Variants in RPH3A observed in about 807,000 individuals in gnomAD.
RPH3A encodes the protein rabphilin-3A.
In RPH3A, 48 loss-of-function variants were observed where a neutral mutation model predicts 102.2. The ratio of observed to expected loss-of-function variants is 0.47; its 90% CI spans 0.37 to 0.60. The LOEUF is 0.60. Ranked by LOEUF, RPH3A falls within the 20% of genes least tolerant of loss-of-function variation. RPH3A has a pLI of 0.00. For synonymous variants in RPH3A, 310 were observed against 324.3 expected (o/e 0.96, Z 0.47); for missense variants, 781 against 910.1 (o/e 0.86, Z 1.83).
At chr12:112,757,036 A>G (rs906225486) in intron 1 of RPH3A, among the ~76,000 whole-genome samples, 3 of 152,196 alleles carry the variant, frequency 2.0e-5, no homozygotes, top group Admixed American at 1.3e-4. Flanking sequence ...TTTCTTTTCT[A>G]TGAACTCTCT....
chr12:112,727,497 C>CA (rs1354424141), intron 1 of RPH3A, among the ~76,000 whole-genome samples: 3 of 88,594 alleles, frequency 3.4e-5, no homozygotes, highest in Admixed American at 2.4e-4. Flanking sequence ...ACACAGACCC[C>CA]CCCCCCCCAC....
At chr12:112,801,690 A>G (rs1565888752) in intron 2 of RPH3A, among the ~76,000 whole-genome samples, 1 of 152,118 alleles carries the variant, frequency 6.6e-6, no homozygotes, top group African/African-American at 2.4e-5. Context: ...GTGCGAGATG[A>G]TGAGAGTTGA....
At chr12:112,796,358 T>G (rs767814122) in intron 2 of RPH3A, among the ~76,000 whole-genome samples, 5 of 152,198 alleles carry the variant, frequency 3.3e-5, no homozygotes, top group Non-Finnish European at 7.4e-5. Context: ...CACTTCTTTG[T>G]AGGAGTCCTC....
intron 1 of RPH3A, among the ~76,000 whole-genome samples, chr12:112,663,834 C>A (rs535234887): frequency 6.6e-6 from 1 of 152,322 alleles, no homozygotes; most frequent in South Asian, 2.1e-4. Flanking sequence ...AGAATCACAT[C>A]TTTCCAGCAT....
intron 1 of RPH3A, among the ~76,000 whole-genome samples, chr12:112,752,717 A>G (rs917218087): frequency 6.6e-6 from 1 of 152,030 alleles, no homozygotes; most frequent in Admixed American, 6.6e-5. Flanking sequence ...TAATTCATAT[A>G]AGTAAAAAAT....
intron 1 of RPH3A, among the ~76,000 whole-genome samples, chr12:112,634,648 A>G (rs1307229426): frequency 6.6e-6 from 1 of 152,128 alleles, no homozygotes; most frequent in African/African-American, 2.4e-5. Flanking sequence ...CCTTAAATGC[A>G]GGATGTTGTC....
At chr12:112,593,230 CA>C (rs1399188456) in intron 1 of RPH3A, among the ~76,000 whole-genome samples, 2 of 152,178 alleles carry the variant, frequency 1.3e-5, no homozygotes, top group Non-Finnish European at 2.9e-5. Flanking sequence ...CACCGGAACC[CA>C]ATCTGCTGGT....
chr12:112,760,895 C>A (rs921950179), intron 1 of RPH3A, among the ~76,000 whole-genome samples: 4 of 152,194 alleles, frequency 2.6e-5, no homozygotes, highest in Non-Finnish European at 5.9e-5. Flanking sequence ...CCGCCCCCAA[C>A]CCACTGCATT....
At chr12:112,797,347 G>C (rs1238439880) in intron 2 of RPH3A, among the ~76,000 whole-genome samples, 1 of 152,196 alleles carries the variant, frequency 6.6e-6, no homozygotes, top group African/African-American at 2.4e-5. Flanking sequence ...CTTGGAGCAG[G>C]GGGAGGGGGC....
rs1424430065 is a variant in RPH3A, at chr12:112,602,430, TC to T, written c.-140+27114del. Among the ~76,000 whole-genome samples the T allele has an allele frequency of 2.0e-5, 3 of 152,098 alleles. No individual in the cohort carries two copies. In the East Asian group the frequency reaches 5.8e-4, roughly 29 times the overall value. ...ATCTGCGTTTTAATTACAGTTCACCTCCCTGGCTTACCATCCAAACATTCCC... is the reference window on the plus strand; with the variant it reads ...ATCTGCGTTTTAATTACAGTTCACCTCCTGGCTTACCATCCAAACATTCCC... On this transcript the variant is annotated intron_variant, in intron 1 of 21. Transcript: ENST00000543106.
rs138806332 is a variant in RPH3A at position 112,664,392 on chromosome 12, G to A, written c.-140+89073G>A. Among the ~76,000 whole-genome samples, 372 of 152,286 alleles carry A rather than the reference G, an allele frequency of 2.4e-3. 3 individuals carry two copies. The highest frequency in any genetic ancestry group is 8.2e-3 in the African/African-American group (340 of 41,568). On this transcript the variant is annotated intron_variant, in intron 1 of 21. Transcript: ENST00000543106. ...TCCAGAAAGTAGTTTTTGGTCGAAG[G>A]TTGGAGAATGGGCAGAACTGGATGG...
intron 1 of RPH3A, among the ~76,000 whole-genome samples, chr12:112,770,951 T>C (rs2040923462): frequency 2.0e-5 from 3 of 152,242 alleles, no homozygotes; most frequent in South Asian, 4.1e-4. Flanking sequence ...TAAAATTGTG[T>C]TTCTCCTTGT....
At chr12:112,690,406 A>G (rs147667894) in intron 1 of RPH3A, among the ~76,000 whole-genome samples, 2 of 152,192 alleles carry the variant, frequency 1.3e-5, no homozygotes, top group African/African-American at 4.8e-5. Context: ...AGAAAGTGCC[A>G]TGCTACAGTT....
intron 2 of RPH3A, among the ~76,000 whole-genome samples, chr12:112,827,868 G>C (rs1327425350): frequency 6.7e-6 from 1 of 149,620 alleles, no homozygotes; most frequent in East Asian, 2.0e-4. Flanking sequence ...TGCACGTTCT[G>C]CATATGTATC....
chr12:112,731,582 A>G (rs1202186763), intron 1 of RPH3A, among the ~76,000 whole-genome samples: 1 of 152,170 alleles, frequency 6.6e-6, no homozygotes, highest in Non-Finnish European at 1.5e-5. Context: ...CCTTTATTCC[A>G]ATCTGCTCTG....
chr12:112,877,588 T>A (rs761268270), intron 13 of RPH3A, among the ~76,000 whole-genome samples: 1 of 151,692 alleles, frequency 6.6e-6, no homozygotes, highest in Non-Finnish European at 1.5e-5. Flanking sequence ...TTGTTTCTGA[T>A]CAAGTTGGAA....
At chr12:112,744,085 T>C (rs1267761656) in intron 1 of RPH3A, among the ~76,000 whole-genome samples, 1 of 152,160 alleles carries the variant, frequency 6.6e-6, no homozygotes, top group East Asian at 1.9e-4. Context: ...TCTTTCTTTC[T>C]TTTTTTCCAA....
intron 15 of RPH3A, among the ~76,000 whole-genome samples, chr12:112,882,338 G>A (rs1363353071): frequency 6.6e-6 from 1 of 152,012 alleles, no homozygotes. Context: ...GCTTTACTCT[G>A]GGGTTAATTC....
In RPH3A at chr12:112,713,007, C is replaced by T. The variant is rs1341518092; in HGVS notation, c.-139-79136C>T. Among the ~76,000 whole-genome samples, 153 of 72,924 alleles carry T rather than the reference C, an allele frequency of 2.1e-3. 10 individuals are homozygous for T. The highest frequency in any genetic ancestry group is 6.7e-3 in the South Asian group (10 of 1,500). The allele number at this position is 72,924 out of a possible 152,430, so 47.8% of individuals were successfully genotyped here. A position where few individuals can be genotyped will look rare whatever the true frequency, so the allele number is the denominator to read the frequency against. Reference sequence around the variant, plus strand: ...TCGTCGTCTTTGTCTTCCTCTTCCTCTTCCTCTTCCTCTTCCTCTTCTTCT... The same window carrying T: ...TCGTCGTCTTTGTCTTCCTCTTCCTTTTCCTCTTCCTCTTCCTCTTCTTCT... On this transcript the variant is annotated intron_variant, in intron 1 of 21. Coordinates refer to the RPH3A transcript ENST00000543106.
Sources: allele counts gnomAD v4.1 joint callset (sites outside exome capture counted in the v4.1 genomes callset), GRCh38; gene constraint gnomAD v4.1.1; transcripts MANE v1.5; gene names NCBI Gene and HGNC (gene_info 2026-07-23, HGNC 2026-07-21).